Variants in MORC1 observed in about 807,000 individuals in gnomAD.
MORC1 encodes the protein MORC family CW-type zinc finger protein 1.
In MORC1, 59 loss-of-function variants were observed where a neutral mutation model predicts 134.9. That is an observed-to-expected ratio of 0.44 (90% CI 0.35 to 0.54). The LOEUF (loss-of-function observed/expected upper bound fraction) is 0.54. Ranked by LOEUF, MORC1 falls within the 20% of genes least tolerant of loss-of-function variation. The pLI, the probability that MORC1 is intolerant of heterozygous loss-of-function variation, is 0.00. For synonymous variants in MORC1, 395 were observed against 391.7 expected (o/e 1.01, Z -0.10); for missense variants, 947 against 1,134.5 (o/e 0.83, Z 2.37).
intron 3 of MORC1, among the ~76,000 whole-genome samples, chr3:109,105,177 G>A (rs551304207): frequency 6.6e-6 from 1 of 152,094 alleles, no homozygotes; most frequent in African/African-American, 2.4e-5. Context: ...GAGCCCAGGA[G>A]TTCAAGACCA....
intron 10 of MORC1, among the ~76,000 whole-genome samples, chr3:109,062,565 C>A (rs990404955): frequency 6.6e-6 from 1 of 151,734 alleles, no homozygotes; most frequent in South Asian, 2.1e-4. Flanking sequence ...GGACTACAGG[C>A]GCCCACCACC....
chr3:108,996,263 TGTGCGCGTGC>T (rs966631437), intron 21 of MORC1, among the ~76,000 whole-genome samples: 1 of 94,192 alleles, frequency 1.1e-5, no homozygotes, highest in Non-Finnish European at 2.5e-5. Flanking sequence ...CCTGTGCACA[TGTGCGCGTGC>T]GTGCGCGCGC....
intron 24 of MORC1, among the ~76,000 whole-genome samples, chr3:108,974,387 C>G (rs957762622): frequency 3.9e-5 from 6 of 152,152 alleles, no homozygotes; most frequent in Non-Finnish European, 7.3e-5. Context: ...GTTTTATTGT[C>G]TTGAGTCCCT....
At chr3:109,057,566 T>C (rs1008504711) in intron 12 of MORC1, 80 bp from the exon 13 acceptor site, 3 of 1,312,678 alleles carry the variant, frequency 2.3e-6, no homozygotes, top group African/African-American at 3.0e-5. Flanking sequence ...ATAATTAAAC[T>C]AGAAGGTTAA....
chr3:108,969,355 A>C (rs777483174), intron 26 of MORC1, among the ~76,000 whole-genome samples: 1 of 152,186 alleles, frequency 6.6e-6, no homozygotes, highest in Non-Finnish European at 1.5e-5. Context: ...AAACTTTAAA[A>C]TTTCTGCTTC....
chr3:109,090,772 C>A (rs1003254162), intron 8 of MORC1, among the ~76,000 whole-genome samples: 2 of 151,910 alleles, frequency 1.3e-5, no homozygotes, highest in Admixed American at 1.3e-4. Context: ...TTTTCAGAAT[C>A]AGCAGGACTC....
At chr3:109,012,346 A>T (rs1200076518) in intron 17 of MORC1, among the ~76,000 whole-genome samples, 1 of 152,172 alleles carries the variant, frequency 6.6e-6, no homozygotes, top group Non-Finnish European at 1.5e-5. Context: ...ACTTAATTAC[A>T]GTTTTATTAT....
At position 109,054,840 on chromosome 3, in the gene MORC1, C is replaced by T. The variant is rs149461159; in HGVS notation, c.1218G>A (p.Glu406=). 6.2e-6 allele frequency: 10 copies of T among 1,606,264 alleles called. No individual in the cohort carries two copies. Among genetic ancestry groups the T allele is most frequent in the Non-Finnish European group, 8.5e-6 (10 of 1,178,290 alleles). Residue 406 remains glutamate (E), a synonymous_variant, in exon 14 of 28, where the codon GAG becomes GAA. Transcript: ENST00000232603. The part of the protein sequence containing the change: ...GVVGIVNIPL[E]VMEPSHNKQE... ...GTTTATTATGGGATGGTTCCATGACCTCCAAGGGTATATTAACAATTCCAA... is the reference window on the plus strand; with the variant it reads ...GTTTATTATGGGATGGTTCCATGACTTCCAAGGGTATATTAACAATTCCAA...
intron 1 of MORC1, among the ~76,000 whole-genome samples, chr3:109,114,966 T>C (rs915544444): frequency 6.6e-6 from 1 of 152,206 alleles, no homozygotes; most frequent in South Asian, 2.1e-4. Context: ...ACCTTAAAAA[T>C]GGCCTCAGGT....
intron 14 of MORC1, among the ~76,000 whole-genome samples, chr3:109,047,989 A>G (rs1405885848): frequency 6.6e-6 from 1 of 152,214 alleles, no homozygotes; most frequent in African/African-American, 2.4e-5. Context: ...CCTATGAAAC[A>G]TCTTGACAAA....
chr3:109,060,172 T>G (rs1190436297), intron 11 of MORC1, among the ~76,000 whole-genome samples: 3 of 151,996 alleles, frequency 2.0e-5, no homozygotes, highest in Non-Finnish European at 4.4e-5. Context: ...ACATGAAAAC[T>G]TGGGTGAGTT....
intron 9 of MORC1, among the ~76,000 whole-genome samples, chr3:109,067,779 T>C (rs2107701338): frequency 6.6e-6 from 1 of 152,294 alleles, no homozygotes; most frequent in African/African-American, 2.4e-5. Flanking sequence ...GGCAGTATAA[T>C]TAGAGATCAA....
At chr3:109,108,027 T>C (rs1255888791) in intron 3 of MORC1, among the ~76,000 whole-genome samples, 6 of 152,064 alleles carry the variant, frequency 3.9e-5, no homozygotes, top group Non-Finnish European at 7.4e-5. Context: ...TGAAATCCCG[T>C]CTCTACTAAA....
intron 21 of MORC1, among the ~76,000 whole-genome samples, chr3:108,988,467 T>G (rs1947954569): frequency 1.3e-5 from 2 of 152,206 alleles, no homozygotes; most frequent in Non-Finnish European, 2.9e-5. Context: ...TATTTACTTC[T>G]GATTAACATA....
chr3:109,052,314 A>G (rs1378501645), intron 14 of MORC1, among the ~76,000 whole-genome samples: 1 of 152,192 alleles, frequency 6.6e-6, no homozygotes, highest in Non-Finnish European at 1.5e-5. Flanking sequence ...TCCCAGGAAA[A>G]ATTACATAGG....
intron 15 of MORC1, among the ~76,000 whole-genome samples, chr3:109,034,254 G>A (rs1338037992): frequency 6.6e-6 from 1 of 152,164 alleles, no homozygotes; most frequent in African/African-American, 2.4e-5. Context: ...CTAGGCAAAA[G>A]GCTGCGGAGG....
chr3:108,967,100 T>C (rs921597352), intron 26 of MORC1, among the ~76,000 whole-genome samples: 8 of 152,180 alleles, frequency 5.3e-5, no homozygotes, highest in Non-Finnish European at 1.2e-4. Flanking sequence ...CTCATTTCAG[T>C]AGGAACTGCT....
chr3:109,006,912 C>T (rs2044587), intron 18 of MORC1, 117 bp downstream of exon 18: 226,004 of 583,712 alleles, frequency 0.39, 46,863 homozygotes, highest in Middle Eastern at 0.57. Flanking sequence ...TTAAAATCTA[C>T]TAGTGCTTCA....
chr3:109,040,747 T>C (rs1183646505), intron 14 of MORC1, among the ~76,000 whole-genome samples: 1 of 147,006 alleles, frequency 6.8e-6, no homozygotes, highest in Non-Finnish European at 1.5e-5. Context: ...TGAGAATCTC[T>C]TGAAACTGGG....
Sources: gnomAD v4.1 joint callset for allele counts (sites outside exome capture counted in the v4.1 genomes callset) on GRCh38, gnomAD v4.1.1 for gene constraint, MANE v1.5 for transcripts, NCBI Gene and HGNC (gene_info 2026-07-23, HGNC 2026-07-21) for gene names.